Variants in SLC8A1 observed in about 807,000 individuals in gnomAD.
SLC8A1 encodes the protein solute carrier family 8 member A1, also known as sodium/calcium exchanger 1.
A neutral mutation model predicts 68.3 loss-of-function variants in SLC8A1; 18 were observed. The ratio of observed to expected loss-of-function variants is 0.26; its 90% CI spans 0.18 to 0.39. SLC8A1 has a LOEUF of 0.39. SLC8A1 is among the 10% of genes least tolerant of loss of function. The pLI is 1.00. For missense variants in SLC8A1, 985 were observed against 1,156.7 expected (o/e 0.85, Z 2.15); for synonymous variants, 475 against 415.5 (o/e 1.14, Z -1.74).
chr2:40,471,738 T>C (rs1414878035), intron 1 of SLC8A1, among the ~76,000 whole-genome samples: 1 of 152,168 alleles, frequency 6.6e-6, no homozygotes, highest in Non-Finnish European at 1.5e-5. Flanking sequence ...GCAATTGCAA[T>C]AAATGGAAAC....
chr2:40,361,505 A>G (rs1022934599), intron 2 of SLC8A1, among the ~76,000 whole-genome samples: 1 of 151,894 alleles, frequency 6.6e-6, no homozygotes, highest in East Asian at 1.9e-4. Context: ...ATATTACTGT[A>G]AACACTTGAG....
rs570236068 is a variant in SLC8A1, at chr2:40,390,728, T to G, written c.1808+37745A>C. 5.3e-5 allele frequency among the ~76,000 whole-genome samples: 8 copies of G among 152,234 alleles called. 1 individual carries two copies. Among genetic ancestry groups the G allele is most frequent in the African/African-American group, 1.7e-4 (7 of 41,576 alleles). Reference sequence around the variant, plus strand: ...CCATGTTTTTTTTAACAACCCGATATGTAACTTTTGTCCCAGCAACATTTT... The same window carrying G: ...CCATGTTTTTTTTAACAACCCGATAGGTAACTTTTGTCCCAGCAACATTTT... On this transcript the variant is annotated intron_variant, in intron 2 of 7. Transcript: ENST00000406785.
intron 1 of SLC8A1, among the ~76,000 whole-genome samples, chr2:40,482,360 C>A (rs545213974): frequency 7.2e-4 from 109 of 152,202 alleles, no homozygotes; most frequent in African/African-American, 2.6e-3. Flanking sequence ...GAAGCTTATA[C>A]AATATGGGGC....
intron 2 of SLC8A1, among the ~76,000 whole-genome samples, chr2:40,330,436 A>G (rs1480333120): frequency 1.3e-5 from 2 of 152,230 alleles, no homozygotes; most frequent in Admixed American, 6.5e-5. Context: ...AGTGAATAAT[A>G]AAGGCAATGT....
intron 2 of SLC8A1, among the ~76,000 whole-genome samples, chr2:40,202,995 G>A (rs1159642650): frequency 6.6e-6 from 1 of 151,970 alleles, no homozygotes. Flanking sequence ...ACTATGTTGA[G>A]GAACTCAGTG....
At chr2:40,194,192 A>G (rs928591329) in intron 2 of SLC8A1, among the ~76,000 whole-genome samples, 2 of 152,126 alleles carry the variant, frequency 1.3e-5, no homozygotes, top group Non-Finnish European at 2.9e-5. Context: ...ATCAACCGTG[A>G]GTAGGTTTGG....
At chr2:40,115,158 G>A in exon 8 of SLC8A1, 1 of 942,126 alleles carries the variant, frequency 1.1e-6, no homozygotes, top group African/African-American at 1.7e-5. Context: ...CAGCAGGTAA[G>A]TGAACATGAC....
At chr2:40,420,590 C>A (rs940386312) in intron 2 of SLC8A1, among the ~76,000 whole-genome samples, 1 of 152,168 alleles carries the variant, frequency 6.6e-6, no homozygotes, top group Admixed American at 6.5e-5. Context: ...CACGGAGGGA[C>A]TAAAACATTA....
intron 2 of SLC8A1, among the ~76,000 whole-genome samples, chr2:40,304,889 T>C (rs1489563444): frequency 6.6e-6 from 1 of 152,166 alleles, no homozygotes; most frequent in Admixed American, 6.5e-5. Context: ...CAGGTGAACA[T>C]GGACTTCCGC....
intron 1 of SLC8A1, among the ~76,000 whole-genome samples, chr2:40,493,509 A>G (rs961809491): frequency 1.3e-5 from 2 of 151,368 alleles, no homozygotes; most frequent in Non-Finnish European, 2.9e-5. Flanking sequence ...AATAAAATAA[A>G]ATAAAATAAA....
At chr2:40,245,781 G>C (rs1007751832) in intron 2 of SLC8A1, among the ~76,000 whole-genome samples, 1 of 152,008 alleles carries the variant, frequency 6.6e-6, no homozygotes, top group Admixed American at 6.6e-5. Context: ...GATATCTCAA[G>C]ATAGACATCA....
At chr2:40,232,526 A>C (rs1027314460) in intron 2 of SLC8A1, among the ~76,000 whole-genome samples, 3 of 151,660 alleles carry the variant, frequency 2.0e-5, no homozygotes, top group African/African-American at 7.3e-5. Flanking sequence ...ATTTAACCTT[A>C]CATCCTCACA....
At chr2:40,226,449 T>C (rs1451505826) in intron 2 of SLC8A1, among the ~76,000 whole-genome samples, 1 of 152,128 alleles carries the variant, frequency 6.6e-6, no homozygotes, top group Non-Finnish European at 1.5e-5. Flanking sequence ...ATCATGCATC[T>C]GCCAAGGCAC....
chr2:40,224,359 G>C lies in SLC8A1; in HGVS notation c.1809-46504C>G, dbSNP rs1350067253. 3.3e-5 allele frequency among the ~76,000 whole-genome samples: 5 copies of C among 152,038 alleles called. No individual in the cohort carries two copies. In the East Asian group the frequency reaches 7.7e-4, roughly 24 times the overall value. ...AAGATTTGCTTGGAATCTGCTCAAC[G>C]CTAAAAGCCCCTATTTAGAACTGGA... On this transcript the variant is annotated intron_variant, in intron 2 of 7. Coordinates refer to ENST00000406785, the Ensembl canonical transcript of SLC8A1.
chr2:40,228,641 T>C (rs1031980739), intron 2 of SLC8A1, among the ~76,000 whole-genome samples: 5 of 152,216 alleles, frequency 3.3e-5, no homozygotes, highest in Non-Finnish European at 7.3e-5. Flanking sequence ...ACTGCCATAT[T>C]CTAGTCCTCA....
At chr2:40,491,581 T>A (rs537102966) in intron 1 of SLC8A1, among the ~76,000 whole-genome samples, 1 of 152,272 alleles carries the variant, frequency 6.6e-6, no homozygotes, top group Non-Finnish European at 1.5e-5. Flanking sequence ...AAGGGAATGC[T>A]TCCAGTTTTT....
At chr2:40,211,931 G>C (rs1256895472) in intron 2 of SLC8A1, among the ~76,000 whole-genome samples, 1 of 152,114 alleles carries the variant, frequency 6.6e-6, no homozygotes, top group Non-Finnish European at 1.5e-5. Flanking sequence ...ATAAAATAGG[G>C]AACAGCATCA....
chr2:40,353,396 C>T (rs1461161044), intron 2 of SLC8A1, among the ~76,000 whole-genome samples: 1 of 152,078 alleles, frequency 6.6e-6, no homozygotes, highest in African/African-American at 2.4e-5. Flanking sequence ...CATCTGTGAC[C>T]CTCTCCTGTT....
intron 2 of SLC8A1, among the ~76,000 whole-genome samples, chr2:40,426,237 A>G (rs1168027905): frequency 6.6e-6 from 1 of 152,048 alleles, no homozygotes; most frequent in East Asian, 1.9e-4. Flanking sequence ...ATTTCAATTA[A>G]GCAAATGAAG....
Sources: gnomAD v4.1 joint callset for allele counts (sites outside exome capture counted in the v4.1 genomes callset) on GRCh38, gnomAD v4.1.1 for gene constraint, MANE v1.5 for transcripts, NCBI Gene and HGNC (gene_info 2026-07-23, HGNC 2026-07-21) for gene names.